Variants in JOSD1 observed in about 807,000 individuals in gnomAD.
JOSD1 encodes Josephin domain containing 1, also known as josephin-1.
Under a neutral mutation model 24.3 loss-of-function variants are expected in JOSD1, and 11 were observed. That is an observed-to-expected ratio of 0.45 (90% CI 0.29 to 0.75). JOSD1 has a LOEUF of 0.75. JOSD1 is among the 30% of genes least tolerant of loss of function. The pLI, the probability that JOSD1 is intolerant of heterozygous loss-of-function variation, is 0.11. For synonymous variants in JOSD1, 106 were observed against 93.8 expected, an observed-to-expected ratio of 1.13 and a Z score of -0.75; for missense variants, 184 against 253.5, an observed-to-expected ratio of 0.73 and a Z score of 1.86.
chr22:38,686,698 G>A lies in JOSD1; in HGVS notation c.*1204C>T, dbSNP rs374780341. ...CTTGGCAACTACAGTGGCAGCCTCC[G>A]AGCCTAGAGTGTCTACTGAATTGTG... On this transcript the variant is annotated 3_prime_UTR_variant, in exon 5 of 5. Coordinates refer to ENST00000683374, the MANE Select transcript of JOSD1 (RefSeq NM_001360236.2). 1.3e-5 allele frequency: 2 copies of A among 152,166 alleles called. No homozygotes were observed. Among genetic ancestry groups the A allele is most frequent in the Non-Finnish European group, 1.5e-5 (1 of 68,070 alleles). The allele number at this position is 152,166 out of a possible 1,614,324, so 9.4% of individuals were successfully genotyped here. A position where few individuals can be genotyped will look rare whatever the true frequency, so the allele number is the denominator to read the frequency against.
rs2092561991 is a variant in JOSD1 at position 38,700,073 on chromosome 22, G to C, written c.-86C>G. On this transcript the variant is annotated 5_prime_UTR_variant, in exon 2 of 5. The change creates a new upstream start codon in the 5' untranslated region. Transcript: ENST00000683374. Reference sequence around the variant, plus strand: ...AATGTAAGCTTCTCAGTCTTTTCCGGATTCCTGAGGTCCACCTTATTCTCT... The same window carrying C: ...AATGTAAGCTTCTCAGTCTTTTCCGCATTCCTGAGGTCCACCTTATTCTCT... The C allele has an allele frequency of 1.3e-6, 2 of 1,498,864 alleles. No homozygotes were observed. Among genetic ancestry groups the C allele is most frequent in the Non-Finnish European group, 1.8e-6 (2 of 1,126,904 alleles). The allele number at this position is 1,498,864 out of a possible 1,614,324, so 92.8% of individuals were successfully genotyped here.
At chr22:38,697,567 C>A (rs907728525) in intron 2 of JOSD1, among the ~76,000 whole-genome samples, 12 of 152,236 alleles carry the variant, frequency 7.9e-5, no homozygotes, top group African/African-American at 2.7e-4. Flanking sequence ...CAGTGCTGGC[C>A]CAGCTCAGCA....
Position 38,700,532 on chromosome 22 carries a change from G to A in JOSD1, c.-545C>T. On this transcript the variant is annotated 5_prime_UTR_variant, in exon 2 of 5. Transcript: ENST00000683374. The stretch of plus-strand genomic sequence containing the variant: ...CCGCGAGCCGCGCGGGGGCCTCGGG[G>A]GCAGCCCTCCATCCCCTCGGGTACG... 2.0e-6 allele frequency: 2 copies of A among 986,120 alleles called. No individual in the cohort carries two copies. Among genetic ancestry groups the A allele is most frequent in the Non-Finnish European group, 1.2e-6 (1 of 830,402 alleles). 61.1% of individuals were successfully genotyped at this position (986,120 alleles called of 1,614,324 possible). A position where few individuals can be genotyped will look rare whatever the true frequency, so the allele number is the denominator to read the frequency against.
In JOSD1 at chr22:38,687,261, T is replaced by C. The variant is rs1484660171; in HGVS notation, c.*641A>G. ...TTGAACCAGGAGGTGGAGGTTGCAGTGAGCCGAGATGGTGCCATTGCACTC... is the reference window on the plus strand; with the variant it reads ...TTGAACCAGGAGGTGGAGGTTGCAGCGAGCCGAGATGGTGCCATTGCACTC... On this transcript the variant is annotated 3_prime_UTR_variant, in exon 5 of 5. Coordinates refer to ENST00000683374, the MANE Select transcript of JOSD1 (RefSeq NM_001360236.2). 2.6e-5 allele frequency: 4 copies of C among 152,382 alleles called. No homozygotes were observed. The East Asian group carries it at 7.7e-4, about 29-fold the overall frequency. The allele number at this position is 152,382 out of a possible 1,614,324, so 9.4% of individuals were successfully genotyped here. A position where few individuals can be genotyped will look rare whatever the true frequency, so the allele number is the denominator to read the frequency against.
rs1034715983 is a variant in JOSD1 at position 38,685,600 on chromosome 22, A to G, written c.*2302T>C. The G allele has an allele frequency of 6.6e-6, 1 of 152,438 alleles. No individual in the cohort carries two copies. Among genetic ancestry groups the G allele is most frequent in the African/African-American group, 2.4e-5 (1 of 41,450 alleles). The allele number at this position is 152,438 out of a possible 1,614,324, so 9.4% of individuals were successfully genotyped here. A position where few individuals can be genotyped will look rare whatever the true frequency, so the allele number is the denominator to read the frequency against. On this transcript the variant is annotated 3_prime_UTR_variant, in exon 5 of 5. Transcript: ENST00000683374. ...TTTTCTTTACACAATTATAGAATTC[A>G]GGCAGACAAGGAGACATATATGGAG...
chr22:38,688,429 A>T (rs1371209207), intron 4 of JOSD1, among the ~76,000 whole-genome samples: 1 of 151,954 alleles, frequency 6.6e-6, no homozygotes, highest in Non-Finnish European at 1.5e-5. Flanking sequence ...CGCCTGGCTA[A>T]TTTTTGTATT....
intron 2 of JOSD1, among the ~76,000 whole-genome samples, chr22:38,697,513 CTTG>C (rs1340246669): frequency 1.3e-5 from 2 of 152,222 alleles, no homozygotes; most frequent in African/African-American, 4.8e-5. Flanking sequence ...CTGAGAAACT[CTTG>C]TTATCATCCA....
chr22:38,696,380 G>A (rs2092546299), intron 2 of JOSD1, among the ~76,000 whole-genome samples: 1 of 151,982 alleles, frequency 6.6e-6, no homozygotes, highest in Admixed American at 6.6e-5. Flanking sequence ...TGGGACTACA[G>A]GCGTGTGCCA....
intron 2 of JOSD1, among the ~76,000 whole-genome samples, chr22:38,690,087 T>C (rs916233643): frequency 7.9e-5 from 12 of 152,346 alleles, no homozygotes; most frequent in African/African-American, 2.9e-4. Context: ...TTAGCCAGTC[T>C]GTATTTTAAG....
intron 4 of JOSD1, among the ~76,000 whole-genome samples, chr22:38,688,304 C>T (rs560573868): frequency 5.1e-4 from 78 of 152,330 alleles, no homozygotes; most frequent in Non-Finnish European, 8.5e-4. Context: ...CTCTTGTCGC[C>T]TGGGCTGGAG....
chr22:38,700,178 T>C lies in JOSD1; in HGVS notation c.-191A>G. 1 of 1,286,218 alleles carries C rather than the reference T, an allele frequency of 7.8e-7. No individual in the cohort carries two copies. Among genetic ancestry groups the C allele is most frequent in the Middle Eastern group, 2.5e-4 (1 of 3,924 alleles). The allele number at this position is 1,286,218 out of a possible 1,614,324, so 79.7% of individuals were successfully genotyped here. A position where few individuals can be genotyped will look rare whatever the true frequency, so the allele number is the denominator to read the frequency against. ...AAAAATAAAACCCACCTCTTCTCTC[T>C]TCTCAATAGAAAAATAACTTTTGGA... On this transcript the variant is annotated 5_prime_UTR_variant, in exon 2 of 5. Transcript: ENST00000683374.
chr22:38,686,984 A>C lies in JOSD1; in HGVS notation c.*918T>G, dbSNP rs889765399. On this transcript the variant is annotated 3_prime_UTR_variant, in exon 5 of 5. Coordinates refer to ENST00000683374, the MANE Select transcript of JOSD1 (RefSeq NM_001360236.2). ...GGTTGGCTTTAGCCACATCCTGTTC[A>C]GTATCCTCCTCACTTCATACTAGAA... The C allele has an allele frequency of 2.0e-5, 3 of 152,256 alleles. No homozygotes were observed. The highest frequency in any genetic ancestry group is 7.2e-5 in the African/African-American group (3 of 41,466). The allele number at this position is 152,256 out of a possible 1,614,324, so 9.4% of individuals were successfully genotyped here. A position where few individuals can be genotyped will look rare whatever the true frequency, so the allele number is the denominator to read the frequency against.
intron 2 of JOSD1, among the ~76,000 whole-genome samples, chr22:38,690,863 A>G (rs1477032628): frequency 6.6e-6 from 1 of 151,924 alleles, no homozygotes; most frequent in Non-Finnish European, 1.5e-5. Context: ...TCTACTAAAA[A>G]TACAAAAATT....
In JOSD1 at chr22:38,700,137, T is replaced by C. The variant is rs546725516; in HGVS notation, c.-150A>G. 24 of 1,346,900 alleles carry C rather than the reference T, an allele frequency of 1.8e-5. No homozygotes were observed. The South Asian group carries it at 3.5e-4, about 20-fold the overall frequency. 83.4% of individuals were successfully genotyped at this position (1,346,900 alleles called of 1,614,324 possible). On this transcript the variant is annotated 5_prime_UTR_variant, in exon 2 of 5. Coordinates refer to ENST00000683374, the MANE Select transcript of JOSD1 (RefSeq NM_001360236.2). Reference sequence around the variant, plus strand: ...TATGCTTTGTCACTGGGAGAAAAGATTGGAATCAAAAGGAAAAAAATAAAA... The same window carrying C: ...TATGCTTTGTCACTGGGAGAAAAGACTGGAATCAAAAGGAAAAAAATAAAA...
At chr22:38,690,280 G>A (rs141273639) in intron 2 of JOSD1, among the ~76,000 whole-genome samples, 3 of 152,120 alleles carry the variant, frequency 2.0e-5, no homozygotes, top group Non-Finnish European at 4.4e-5. Context: ...TGATCAAGAG[G>A]CTACTACATG....
At chr22:38,694,102 C>T (rs751957162) in intron 2 of JOSD1, among the ~76,000 whole-genome samples, 4 of 152,184 alleles carry the variant, frequency 2.6e-5, no homozygotes, top group Non-Finnish European at 5.9e-5. Context: ...GAGTAGCTTC[C>T]ATCTCATGCT....
intron 2 of JOSD1, among the ~76,000 whole-genome samples, chr22:38,691,951 A>C (rs1299121080): frequency 6.6e-6 from 1 of 152,240 alleles, no homozygotes; most frequent in Non-Finnish European, 1.5e-5. Context: ...GCCTGGCACA[A>C]GACAGGTGCT....
chr22:38,696,351 C>A (rs1357678307), intron 2 of JOSD1, among the ~76,000 whole-genome samples: 1 of 151,958 alleles, frequency 6.6e-6, no homozygotes, highest in Non-Finnish European at 1.5e-5. Context: ...GATTCTCCTG[C>A]CTCAGTTTCC....
In JOSD1 at chr22:38,688,970, CT is replaced by C; in HGVS notation, c.473del (p.Lys158ArgfsTer16). The part of the protein sequence containing the change: ...GAYYNLDSKL[K>X]MPEWIGGESE... The stretch of plus-strand genomic sequence containing the variant: ...TCTCGCCTCCAATCCACTCGGGCAT[CT>C]TGAGTTTGGAGTCGAGGTTGTAGTA... On this transcript the variant is annotated frameshift_variant, in exon 4 of 5. Coordinates refer to ENST00000683374, the MANE Select transcript of JOSD1 (RefSeq NM_001360236.2). LOFTEE classifies it high-confidence loss of function. 6.2e-7 allele frequency: 1 copy of C among 1,614,124 alleles called. No individual in the cohort carries two copies.
Sources: allele counts gnomAD v4.1 joint callset (sites outside exome capture counted in the v4.1 genomes callset), GRCh38; gene constraint gnomAD v4.1.1; transcripts MANE v1.5; gene names NCBI Gene and HGNC (gene_info 2026-07-23, HGNC 2026-07-21).